Variants in MMP26 observed in about 807,000 individuals in gnomAD.
MMP26 encodes matrix metalloproteinase-26.
In MMP26, 33 loss-of-function variants were observed where a neutral mutation model predicts 31.0. The observed-to-expected ratio is 1.06, with a 90% CI of 0.81 to 1.42. MMP26 has a LOEUF of 1.42. MMP26 is among the 40% of genes most tolerant of loss of function. The pLI, the probability that MMP26 is intolerant of heterozygous loss-of-function variation, is 0.00. For synonymous variants in MMP26, 122 were observed against 114.9 expected, an observed-to-expected ratio of 1.06 and a Z score of -0.40; for missense variants, 347 against 316.1, an observed-to-expected ratio of 1.10 and a Z score of -0.74.
intron 2 of MMP26, among the ~76,000 whole-genome samples, chr11:4,972,330 T>A (rs1431175316): frequency 6.6e-6 from 1 of 152,216 alleles, no homozygotes; most frequent in African/African-American, 2.4e-5. Flanking sequence ...GAATTCCCAT[T>A]GAAATGTCAA....
intron 2 of MMP26, among the ~76,000 whole-genome samples, chr11:4,918,175 C>T (rs760362129): frequency 2.0e-5 from 3 of 151,992 alleles, no homozygotes; most frequent in African/African-American, 4.8e-5. Context: ...CCTAGAATCA[C>T]GCAGCCAGTC....
At chr11:4,739,132 TAG>T (rs1848280244) in intron 1 of MMP26, among the ~76,000 whole-genome samples, 1 of 152,232 alleles carries the variant, frequency 6.6e-6, no homozygotes, top group Admixed American at 6.5e-5. Flanking sequence ...AGGAGTGAAC[TAG>T]ATACACAGAG....
chr11:4,762,354 A>G (rs1018226284), intron 1 of MMP26, among the ~76,000 whole-genome samples: 3 of 152,188 alleles, frequency 2.0e-5, no homozygotes, highest in African/African-American at 7.2e-5. Context: ...TTTAACATAC[A>G]TTGAACATTT....
chr11:4,798,850 T>G (rs922341531), intron 2 of MMP26, among the ~76,000 whole-genome samples: 4 of 152,240 alleles, frequency 2.6e-5, no homozygotes, highest in Non-Finnish European at 4.4e-5. Context: ...ACATTATGTT[T>G]GGCTCTGTGC....
At chr11:4,923,807 T>A in intron 2 of MMP26, 1 of 1,613,934 alleles carries the variant, frequency 6.2e-7, no homozygotes, top group Non-Finnish European at 8.5e-7. Context: ...ACAATAAGCA[T>A]GAGCCAGCAC....
chr11:4,939,690 T>C (rs113259754), intron 2 of MMP26, among the ~76,000 whole-genome samples: 2,844 of 152,244 alleles, frequency 0.019, 35 homozygotes, highest in Middle Eastern at 0.037. Context: ...ATGGGGTCTA[T>C]TGGCTGCTTT....
At chr11:4,811,323 C>T (rs1271072308) in intron 2 of MMP26, among the ~76,000 whole-genome samples, 1 of 152,098 alleles carries the variant, frequency 6.6e-6, no homozygotes, top group African/African-American at 2.4e-5. Context: ...GTACAGTACT[C>T]AATAGGTAGT....
intron 2 of MMP26, among the ~76,000 whole-genome samples, chr11:4,892,424 A>C (rs1328188929): frequency 6.6e-6 from 1 of 152,164 alleles, no homozygotes; most frequent in East Asian, 1.9e-4. Context: ...TATAATTTGC[A>C]TTGCAACTCT....
At chr11:4,780,568 G>A (rs1388472635) in intron 2 of MMP26, among the ~76,000 whole-genome samples, 1 of 151,686 alleles carries the variant, frequency 6.6e-6, no homozygotes, top group Non-Finnish European at 1.5e-5. Context: ...TATTTTATTG[G>A]TTATATGTAA....
At chr11:4,782,166 G>A (rs943966184) in intron 2 of MMP26, among the ~76,000 whole-genome samples, 1 of 152,184 alleles carries the variant, frequency 6.6e-6, no homozygotes, top group Non-Finnish European at 1.5e-5. Context: ...CGAACAGTTT[G>A]AGGGCTCAGA....
At chr11:4,855,189 G>A (rs1352019604) in intron 2 of MMP26, among the ~76,000 whole-genome samples, 2 of 152,182 alleles carry the variant, frequency 1.3e-5, no homozygotes, top group African/African-American at 4.8e-5. Context: ...CTCCTCACCA[G>A]CAGTACAACA....
chr11:4,939,265 T>C (rs1208046636), intron 2 of MMP26, among the ~76,000 whole-genome samples: 3 of 152,178 alleles, frequency 2.0e-5, no homozygotes, highest in Non-Finnish European at 4.4e-5. Context: ...AATTATTTAA[T>C]GGAATATCAT....
chr11:4,982,878 A>G (rs1336182856), intron 2 of MMP26, among the ~76,000 whole-genome samples: 1 of 152,170 alleles, frequency 6.6e-6, no homozygotes, highest in Non-Finnish European at 1.5e-5. Flanking sequence ...CATTGTTGAA[A>G]TGTGTAAGGT....
In MMP26 at chr11:4,866,256, G is replaced by A. The variant is rs145276082; in HGVS notation, c.-145+98915G>A. Reference sequence around the variant, plus strand: ...TGATCAGTGGCAACACTTAGTGCAAGAGATTTATTTTGAGAAGATAAATTT... The same window carrying A: ...TGATCAGTGGCAACACTTAGTGCAAAAGATTTATTTTGAGAAGATAAATTT... On this transcript the variant is annotated intron_variant, in intron 2 of 7. Coordinates refer to ENST00000380390, the MANE Select transcript of MMP26 (RefSeq NM_021801.5). 6.4e-4 allele frequency among the ~76,000 whole-genome samples: 97 copies of A among 152,288 alleles called. 1 individual carries two copies. Among genetic ancestry groups the A allele is most frequent in the Middle Eastern group, 3.4e-3 (1 of 294 alleles).
rs772045531 is a variant in MMP26, at chr11:4,988,293, G to T, written c.82G>T (p.Gly28Ter). 1 of 1,614,002 alleles carries T rather than the reference G, an allele frequency of 6.2e-7. No homozygotes were observed. The highest frequency in any genetic ancestry group is 1.7e-5 in the Admixed American group (1 of 60,012). The change falls in exon 3 of 8, where the codon GGA (glycine) becomes TGA (stop). Residue 28 changes from glycine to a stop codon, truncating the protein, a stop_gained. Transcript: ENST00000380390. LOFTEE classifies it high-confidence loss of function. ...AGTGCCCCCTGCTGCAGACCATAAA[G>T]GATGGGACTTTGTTGAGGTAGGTGA... ...VPVPPAADHK[G>*]WDFVEGYFHQ... is the part of the protein sequence containing the mutation.
intron 2 of MMP26, chr11:4,803,655 G>T (rs1207899318): frequency 6.2e-7 from 1 of 1,613,934 alleles, no homozygotes; most frequent in Non-Finnish European, 8.5e-7. Flanking sequence ...AGGAACGTGT[G>T]CTAAAAGCTT....
At chr11:4,750,794 G>A (rs10836571) in intron 1 of MMP26, among the ~76,000 whole-genome samples, 1 of 151,728 alleles carries the variant, frequency 6.6e-6, no homozygotes, top group African/African-American at 2.4e-5. Flanking sequence ...AAGTGGGATA[G>A]GGGAGGAGAA....
intron 2 of MMP26, among the ~76,000 whole-genome samples, chr11:4,925,086 A>G (rs1851250194): frequency 1.3e-5 from 2 of 152,330 alleles, no homozygotes; most frequent in Non-Finnish European, 2.9e-5. Flanking sequence ...TAAATGCCTA[A>G]TGTGCATTAC....
intron 2 of MMP26, among the ~76,000 whole-genome samples, chr11:4,940,828 A>G (rs113478527): frequency 1.3e-5 from 2 of 152,274 alleles, no homozygotes; most frequent in Non-Finnish European, 2.9e-5. Context: ...TCCCCTAGCT[A>G]TAATTAGCCA....
Sources: allele counts gnomAD v4.1 joint callset (sites outside exome capture counted in the v4.1 genomes callset), GRCh38; gene constraint gnomAD v4.1.1; transcripts MANE v1.5; gene names NCBI Gene and HGNC (gene_info 2026-07-23, HGNC 2026-07-21).